GNG8: variants seen among roughly 807,000 people sequenced by gnomAD.
GNG8 encodes the protein guanine nucleotide-binding protein G(I)/G(S)/G(O) subunit gamma-8.
A neutral mutation model predicts 4.6 loss-of-function variants in GNG8; 3 were observed. That is an observed-to-expected ratio of 0.65 (90% CI 0.29 to 1.67). GNG8 has a LOEUF of 1.67. Among genes scored for constraint, GNG8 ranks in the 40% most tolerant of loss-of-function variants. The pLI is 0.10. For synonymous variants in GNG8, 32 were observed against 40.5 expected, an observed-to-expected ratio of 0.79 and a Z score of 0.80; for missense variants, 88 against 95.2, an observed-to-expected ratio of 0.92 and a Z score of 0.32.
chr19:46,638,452 C>T (rs1442175031), upstream of GNG8: 2 of 153,084 alleles, frequency 1.3e-5, no homozygotes, highest in Non-Finnish European at 2.9e-5. This position sits in a 1 kb window ranked among gnomAD's most constrained non-coding sequence, Gnocchi z 4.7. Context: ...CCTGGCACTG[C>T]ACACCATCTC....
At chr19:46,634,315 A>T in intron 2 of GNG8, 111 bp from the exon 3 acceptor site, 1 of 1,184,240 alleles carries the variant, frequency 8.4e-7, no homozygotes, top group South Asian at 1.5e-5. Context: ...CGCCCCATAC[A>T]GGCCTTTCCC....
chr19:46,638,846 G>C (rs1282252097), upstream of GNG8: 1 of 153,318 alleles, frequency 6.5e-6, no homozygotes, highest in African/African-American at 2.4e-5. This position sits in a 1 kb window ranked among gnomAD's most constrained non-coding sequence, Gnocchi z 4.7. Flanking sequence ...GAGGAAGCAC[G>C]GCAGGGAGCC....
upstream of GNG8, among the ~76,000 whole-genome samples, chr19:46,636,441 C>A (rs184203921): frequency 6.6e-6 from 1 of 152,296 alleles, no homozygotes; most frequent in African/African-American, 2.4e-5. Context: ...TCTAGGTGGG[C>A]CCCGGGCCTC....
At position 46,634,204 on chromosome 19, in the gene GNG8, C is replaced by G; in HGVS notation, c.85G>C (p.Val29Leu). ...AGGAGTTCCGCTGCTGCCTGCGACA[C>G]CTGCGAGCACCCGGGTGGAGATGTC... ...KLEVNIDRMK[V>L]SQAAAELLAF... is the part of the protein sequence containing the mutation. Residue 29 changes from valine (V) to leucine (L), a missense_variant and splice_region_variant, in exon 3 of 3, where the codon GTG (valine) becomes CTG (leucine). Transcript: ENST00000693335. 6.2e-7 allele frequency: 1 copy of G among 1,605,104 alleles called. No individual in the cohort carries two copies. Among genetic ancestry groups the G allele is most frequent in the Non-Finnish European group, 8.5e-7 (1 of 1,176,190 alleles).
chr19:46,635,071 A>T (rs909492210), intron 1 of GNG8, among the ~76,000 whole-genome samples: 1 of 152,034 alleles, frequency 6.6e-6, no homozygotes, highest in African/African-American at 2.4e-5. Flanking sequence ...CCCCCAGGCC[A>T]ATTAGCAGTG....
At chr19:46,635,121 G>A (rs2122392892) in intron 1 of GNG8, among the ~76,000 whole-genome samples, 1 of 152,190 alleles carries the variant, frequency 6.6e-6, no homozygotes, top group East Asian at 2.0e-4. Flanking sequence ...CGGCGGGAGG[G>A]GCACAGAGGG....
intron 2 of GNG8, 113 bp from the exon 3 acceptor site, chr19:46,634,317 G>T (rs2052848431): frequency 7.9e-7 from 1 of 1,267,246 alleles, no homozygotes; most frequent in South Asian, 1.5e-5. Context: ...CCCCATACAG[G>T]CCTTTCCCCT....
At chr19:46,636,214 G>A (rs2052867676), upstream of GNG8, among the ~76,000 whole-genome samples, 2 of 151,746 alleles carry the variant, frequency 1.3e-5, no homozygotes, top group African/African-American at 4.8e-5. Context: ...GGTCCCTCCG[G>A]CCCGCCCCGC....
At chr19:46,634,480 C>T in intron 2 of GNG8, 119 bp downstream of exon 2, 1 of 960,474 alleles carries the variant, frequency 1.0e-6, no homozygotes, top group Non-Finnish European at 1.6e-6. Flanking sequence ...CTGCCCCGCC[C>T]CTTGCCCAGC....
upstream of GNG8, chr19:46,636,671 C>G (rs1175714649): frequency 1.3e-5 from 2 of 152,740 alleles, no homozygotes; most frequent in African/African-American, 4.8e-5. Flanking sequence ...CCAAATGCCA[C>G]ACACAGCCGC....
At position 46,634,153 on chromosome 19, in the gene GNG8, C is replaced by T. The variant is rs1225618963; in HGVS notation, c.136G>A (p.Asp46Asn). The T allele has an allele frequency of 1.2e-6, 2 of 1,613,694 alleles. No individual in the cohort carries two copies. Among genetic ancestry groups the T allele is most frequent in the Non-Finnish European group, 1.7e-6 (2 of 1,179,982 alleles). The change falls in exon 3 of 3, where the codon GAT becomes AAT. Residue 46 changes from aspartate (D) to asparagine (N), a missense_variant. Physicochemically the swap from Asp to Asn is conservative, Grantham distance 23. Transcript: ENST00000693335. ...GGTACTGGCGTCACCAGCGGGTCAT[C>T]TTTGGCATGCGTCTCGCAGAAAGCC... is the stretch of plus-strand genomic sequence containing the variant. ...LLAFCETHAK[D>N]DPLVTPVPAA...
At chr19:46,636,649 C>T (rs929900264), upstream of GNG8, among the ~76,000 whole-genome samples, 3 of 152,192 alleles carry the variant, frequency 2.0e-5, no homozygotes, top group African/African-American at 4.8e-5. Flanking sequence ...AACACAACCT[C>T]ACACGGTTGC....
At chr19:46,634,285 C>T in intron 2 of GNG8, 81 bp from the exon 3 acceptor site, 2 of 1,469,944 alleles carry the variant, frequency 1.4e-6, no homozygotes, top group Non-Finnish European at 1.8e-6. Flanking sequence ...CTTGCCCTGT[C>T]CCCTCCTCCC....
Position 46,636,154 on chromosome 19 carries a change from T to G in GNG8, c.-51A>C, listed in dbSNP as rs1368334951. ...GGGACCGGAGCTTCCTACCTGTTGC[T>G]GCTCTGGGCCGGGCTCGCGGCGGTG... is the stretch of plus-strand genomic sequence containing the variant. On this transcript the variant is annotated 5_prime_UTR_variant, in exon 1 of 3. Transcript: ENST00000693335. Among the ~76,000 whole-genome samples, 1 of 152,060 alleles carries G rather than the reference T, an allele frequency of 6.6e-6. No individual in the cohort carries two copies. Among genetic ancestry groups the G allele is most frequent in the African/African-American group, 2.4e-5 (1 of 41,394 alleles).
At chr19:46,639,135 C>T (rs1409856848), upstream of GNG8, 2 of 152,370 alleles carry the variant, frequency 1.3e-5, no homozygotes, top group Non-Finnish European at 2.9e-5. The surrounding 1 kb of genome is among the most constrained non-coding windows in gnomAD (Gnocchi z 5.2). Flanking sequence ...GAGATGGAGG[C>T]AGAGGCGGCC....
chr19:46,638,741 A>T (rs867502398), upstream of GNG8: 1 of 152,420 alleles, frequency 6.6e-6, no homozygotes, highest in Non-Finnish European at 1.5e-5. This position sits in a 1 kb window ranked among gnomAD's most constrained non-coding sequence, Gnocchi z 4.7. Context: ...CGCGCGCAGC[A>T]CGCCCAGGCG....
At chr19:46,634,963 T>C (rs2052855607) in intron 1 of GNG8, among the ~76,000 whole-genome samples, 1 of 150,822 alleles carries the variant, frequency 6.6e-6, no homozygotes, top group African/African-American at 2.4e-5. Context: ...GGCGCACAGA[T>C]GGGAGGCTGA....
chr19:46,634,339 G>A, intron 2 of GNG8, 135 bp from the exon 3 acceptor site: 2 of 986,312 alleles, frequency 2.0e-6, no homozygotes, highest in East Asian at 2.9e-5. Context: ...GTCTTACTCC[G>A]CCCCCTCGTC....
upstream of GNG8, chr19:46,636,890 C>T (rs2052872725): frequency 6.6e-6 from 1 of 150,648 alleles, no homozygotes; most frequent in African/African-American, 2.4e-5. Context: ...CTCCTGGGTT[C>T]AAGCCATTCT....
Sources: allele counts gnomAD v4.1 joint callset (sites outside exome capture counted in the v4.1 genomes callset), GRCh38; gene constraint gnomAD v4.1.1; non-coding constraint Gnocchi (gnomAD v3.1); transcripts MANE v1.5; gene names NCBI Gene and HGNC (gene_info 2026-07-23, HGNC 2026-07-21).